The following DLGAP2 variants were observed in gnomAD, a reference collection of about 807,000 sequenced individuals.
DLGAP2 encodes the protein disks large-associated protein 2.
A neutral mutation model predicts 100.3 loss-of-function variants in DLGAP2; 26 were observed. That is an observed-to-expected ratio of 0.26 (90% confidence interval 0.19 to 0.36). The LOEUF is 0.36. Ranked by LOEUF, DLGAP2 falls within the 10% of genes least tolerant of loss-of-function variation. DLGAP2 has a pLI of 1.00. For synonymous variants in DLGAP2, 886 were observed against 630.1 expected (o/e 1.41, Z -6.08); for missense variants, 1,858 against 1,453.2 (o/e 1.28, Z -4.53).
intron 2 of DLGAP2, among the ~76,000 whole-genome samples, chr8:1,228,762 A>T (rs562842980): frequency 6.6e-6 from 1 of 152,334 alleles, no homozygotes; most frequent in South Asian, 2.1e-4. Flanking sequence ...AACAAACTGG[A>T]AATAGAAGAG....
At chr8:1,438,872 A>G (rs759543176) in intron 3 of DLGAP2, among the ~76,000 whole-genome samples, 1 of 152,236 alleles carries the variant, frequency 6.6e-6, no homozygotes, top group Non-Finnish European at 1.5e-5. Context: ...TAATACCAAT[A>G]TCGTAATATT....
At chr8:1,096,639 T>C (rs540950163) in intron 2 of DLGAP2, among the ~76,000 whole-genome samples, 2 of 150,814 alleles carry the variant, frequency 1.3e-5, no homozygotes, top group African/African-American at 4.9e-5. Context: ...CCCACCTCCC[T>C]GCGCTCAGTA....
At chr8:1,118,688 G>C (rs1011343661) in intron 2 of DLGAP2, among the ~76,000 whole-genome samples, 1 of 152,148 alleles carries the variant, frequency 6.6e-6, no homozygotes, top group Non-Finnish European at 1.5e-5. Flanking sequence ...TCAAGATCAT[G>C]ACACTCTGCT....
chr8:1,187,069 C>T (rs60125724), intron 2 of DLGAP2, among the ~76,000 whole-genome samples: 2 of 150,940 alleles, frequency 1.3e-5, no homozygotes, highest in South Asian at 4.5e-4. Context: ...AAGGGCTGTT[C>T]TGAGCAGCTG....
chr8:1,149,459 C>G (rs553134180), intron 2 of DLGAP2, among the ~76,000 whole-genome samples: 1 of 152,126 alleles, frequency 6.6e-6, no homozygotes, highest in Non-Finnish European at 1.5e-5. Context: ...AAATTACCCT[C>G]TTTATCTCTT....
chr8:1,190,972 G>A (rs927104556), intron 2 of DLGAP2, among the ~76,000 whole-genome samples: 4 of 152,144 alleles, frequency 2.6e-5, no homozygotes, highest in African/African-American at 9.7e-5. Flanking sequence ...CGAGGGGGGT[G>A]GGTGAGGCTT....
rs1159637891 is a variant in DLGAP2, at chr8:892,232, G to A, written c.19-15680G>A. On this transcript the variant is annotated intron_variant, in intron 1 of 14. Transcript: ENST00000637795. The stretch of plus-strand genomic sequence containing the variant: ...TCCAAATGATAGACAGCGGGGTCTC[G>A]GGGCAGCCCCTGCACACCCAGGCTC... Among the ~76,000 whole-genome samples, 7 of 152,306 alleles carry A rather than the reference G, an allele frequency of 4.6e-5. No homozygotes were observed. In the South Asian group the frequency reaches 6.2e-4, roughly 14 times the overall value.
chr8:1,471,811 G>A (rs879465238), intron 3 of DLGAP2, among the ~76,000 whole-genome samples: 1 of 152,196 alleles, frequency 6.6e-6, no homozygotes, highest in Non-Finnish European at 1.5e-5. Context: ...AAAGCTGGGT[G>A]AAATCACATC....
intron 2 of DLGAP2, among the ~76,000 whole-genome samples, chr8:1,103,508 C>T (rs1439289702): frequency 1.8e-5 from 2 of 111,342 alleles, no homozygotes; most frequent in African/African-American, 5.4e-5. Context: ...TGATGACTGG[C>T]GGGGCCTTGG....
At chr8:1,034,059 C>G (rs868150856) in intron 2 of DLGAP2, among the ~76,000 whole-genome samples, 955 of 67,890 alleles carry the variant, frequency 0.014, no homozygotes, top group African/African-American at 0.016. Flanking sequence ...CGTGTCACCG[C>G]GAGTGGGTTC....
intron 12 of DLGAP2, among the ~76,000 whole-genome samples, chr8:1,687,187 A>C (rs1166907563): frequency 1.3e-5 from 2 of 152,208 alleles, no homozygotes; most frequent in Non-Finnish European, 2.9e-5. Context: ...CTCTCTGCAA[A>C]TTTTATAAAA....
chr8:1,254,886 C>CAGGT (rs1563042965), intron 2 of DLGAP2, among the ~76,000 whole-genome samples: 18 of 151,460 alleles, frequency 1.2e-4, no homozygotes, highest in African/African-American at 3.6e-4. Context: ...CTCTCCTGCC[C>CAGGT]GCGTGCTGTG....
At chr8:1,116,569 G>A (rs1293932436) in intron 2 of DLGAP2, among the ~76,000 whole-genome samples, 1 of 152,166 alleles carries the variant, frequency 6.6e-6, no homozygotes. Flanking sequence ...GCCAATGTGA[G>A]TGAATTGCCT....
chr8:750,695 C>A (rs1235824546), intron 1 of DLGAP2, among the ~76,000 whole-genome samples: 1 of 152,262 alleles, frequency 6.6e-6, no homozygotes, highest in African/African-American at 2.4e-5. Context: ...CCTCCGCCCT[C>A]CCCTGCACAG....
chr8:1,188,617 C>T (rs1472180666), intron 2 of DLGAP2, among the ~76,000 whole-genome samples: 1 of 152,128 alleles, frequency 6.6e-6, no homozygotes, highest in Non-Finnish European at 1.5e-5. Flanking sequence ...ACATTTGCCT[C>T]ACGGAATCTC....
intron 1 of DLGAP2, among the ~76,000 whole-genome samples, chr8:744,331 T>C (rs1428111844): frequency 6.6e-6 from 1 of 152,156 alleles, no homozygotes; most frequent in Non-Finnish European, 1.5e-5. Flanking sequence ...CTTTGATGTA[T>C]TGGAATAGCC....
chr8:1,232,566 G>A (rs1369527483), intron 2 of DLGAP2, among the ~76,000 whole-genome samples: 1 of 152,250 alleles, frequency 6.6e-6, no homozygotes, highest in Non-Finnish European at 1.5e-5. Flanking sequence ...GGCTGTGGCT[G>A]TTTGGGAACG....
intron 3 of DLGAP2, among the ~76,000 whole-genome samples, chr8:1,267,618 T>TAA (rs1563052066): frequency 1.9e-4 from 15 of 78,024 alleles, no homozygotes; most frequent in African/African-American, 8.8e-4. Context: ...TAAGATAAGA[T>TAA]AAGATAAATA....
rs1342530367 is a variant in DLGAP2, at chr8:806,303, C to T, written c.18+68478C>T. 2.0e-5 allele frequency among the ~76,000 whole-genome samples: 3 copies of T among 152,218 alleles called. No individual in the cohort carries two copies. In the East Asian group the frequency reaches 5.8e-4, roughly 29 times the overall value. ...CATGGCGCTGGGTCTCAAGGTGTTA[C>T]AGCTCTTCTCTCTGGAGGGCGGCCC... is the stretch of plus-strand genomic sequence containing the variant. On this transcript the variant is annotated intron_variant, in intron 1 of 14. Transcript: ENST00000637795.
Sources: allele counts gnomAD v4.1 joint callset (sites outside exome capture counted in the v4.1 genomes callset), GRCh38; gene constraint gnomAD v4.1.1; transcripts MANE v1.5; gene names NCBI Gene and HGNC (gene_info 2026-07-23, HGNC 2026-07-21).